NOVA1: variants seen among roughly 807,000 people sequenced by gnomAD.
NOVA1 encodes RNA-binding protein Nova-1.
Under a neutral mutation model 38.0 loss-of-function variants are expected in NOVA1, and 7 were observed. That is an observed-to-expected ratio of 0.18 (90% CI 0.10 to 0.35). The LOEUF is 0.35. Ranked by LOEUF, NOVA1 falls within the 10% of genes least tolerant of loss-of-function variation. The pLI is 1.00. For synonymous variants in NOVA1, 270 were observed against 232.5 expected, an observed-to-expected ratio of 1.16 and a Z score of -1.47; for missense variants, 460 against 616.0, an observed-to-expected ratio of 0.75 and a Z score of 2.68.
chr14:26,484,962 C>G (rs1248557083), intron 2 of NOVA1, among the ~76,000 whole-genome samples: 2 of 150,758 alleles, frequency 1.3e-5, no homozygotes, highest in African/African-American at 4.9e-5. Flanking sequence ...AAAAAACGAA[C>G]AAACCCTGCC....
At chr14:26,531,322 G>A (rs1015014659) in intron 2 of NOVA1, among the ~76,000 whole-genome samples, 5 of 151,872 alleles carry the variant, frequency 3.3e-5, no homozygotes, top group Non-Finnish European at 7.4e-5. Flanking sequence ...AAACCTCTAG[G>A]AGAGGCTGGG....
At chr14:26,518,445 TA>T (rs1288684644) in intron 2 of NOVA1, among the ~76,000 whole-genome samples, 2 of 152,048 alleles carry the variant, frequency 1.3e-5, no homozygotes, top group Non-Finnish European at 2.9e-5. Flanking sequence ...CTTATCACTT[TA>T]ATGCTACGAC....
chr14:26,474,562 T>C (rs895184597), intron 3 of NOVA1, among the ~76,000 whole-genome samples: 4 of 152,070 alleles, frequency 2.6e-5, no homozygotes, highest in Non-Finnish European at 2.9e-5. Context: ...AGAACTTACA[T>C]TCATCAAAAT....
At chr14:26,526,938 T>C (rs1486322748) in intron 2 of NOVA1, among the ~76,000 whole-genome samples, 1 of 152,104 alleles carries the variant, frequency 6.6e-6, no homozygotes, top group Non-Finnish European at 1.5e-5. Flanking sequence ...CCATCCCAAA[T>C]GCAAGAGTCT....
chr14:26,468,573 C>A (rs963117856), intron 4 of NOVA1, among the ~76,000 whole-genome samples: 1 of 152,092 alleles, frequency 6.6e-6, no homozygotes, highest in Non-Finnish European at 1.5e-5. Flanking sequence ...AAAACTAATA[C>A]AGGATTGAAA....
Position 26,448,840 on chromosome 14 carries a change from T to C in NOVA1, c.643A>G (p.Asn215Asp). 6.2e-7 allele frequency: 1 copy of C among 1,614,130 alleles called. No individual in the cohort carries two copies. Among genetic ancestry groups the C allele is most frequent in the South Asian group, 1.1e-5 (1 of 91,080 alleles). Residue 215 changes from asparagine (N) to aspartate (D), a missense_variant, in exon 5 of 5, where the codon AAC (asparagine) becomes GAC (aspartate). By Grantham distance (23) the Asn-to-Asp change is conservative. Transcript: ENST00000539517. The surrounding 1 kb of genome is among the most constrained non-coding windows in gnomAD (Gnocchi z 5.3). Reference protein sequence around the residue: ...VQLSQKPDGINLQERVVTVSG... With the variant: ...VQLSQKPDGIDLQERVVTVSG... ...ACAGTGACAACCCTCTCTTGCAAGT[T>C]GATCCCATCAGGTTTCTGGGAAAGC...
rs544206431 is a variant in NOVA1 at position 26,561,434 on chromosome 14, T to A, written c.280+33976A>T. On this transcript the variant is annotated intron_variant, in intron 2 of 4. Coordinates refer to ENST00000539517, the MANE Select transcript of NOVA1 (RefSeq NM_002515.3). ...TGTGAGTAGAGGTAACAGAAATGCATCCTATCACAAAACTTCTTTATTCTT... is the reference window on the plus strand; with the variant it reads ...TGTGAGTAGAGGTAACAGAAATGCAACCTATCACAAAACTTCTTTATTCTT... Among the ~76,000 whole-genome samples, 24 of 152,326 alleles carry A rather than the reference T, an allele frequency of 1.6e-4. No individual in the cohort carries two copies. The Middle Eastern group carries it at 0.01, about 65-fold the overall frequency.
chr14:26,593,548 A>G (rs1893993327), intron 2 of NOVA1: 2 of 151,914 alleles, frequency 1.3e-5, no homozygotes, highest in South Asian at 2.1e-4. Context: ...CTTTTATCCA[A>G]CATTTCAACT....
At chr14:26,502,169 AT>A (rs1199004578) in intron 2 of NOVA1, among the ~76,000 whole-genome samples, 2 of 151,696 alleles carry the variant, frequency 1.3e-5, no homozygotes, top group African/African-American at 4.8e-5. Context: ...TCATCATTTT[AT>A]TTTCTTTACA....
At chr14:26,527,140 A>C (rs143173937) in intron 2 of NOVA1, among the ~76,000 whole-genome samples, 61 of 98,032 alleles carry the variant, frequency 6.2e-4, no homozygotes, top group African/African-American at 2.3e-3. Flanking sequence ...AGGTGAAGTC[A>C]TGAGCTATGG....
At chr14:26,550,648 C>G (rs1891103061) in intron 2 of NOVA1, among the ~76,000 whole-genome samples, 1 of 152,110 alleles carries the variant, frequency 6.6e-6, no homozygotes, top group Non-Finnish European at 1.5e-5. Context: ...AAGGTACTAT[C>G]TCATCTCCTA....
Position 26,566,404 on chromosome 14 carries a change from T to G in NOVA1, c.280+29006A>C, listed in dbSNP as rs535816777. The stretch of plus-strand genomic sequence containing the variant: ...CTCCAATGATTGTAAGTGAGTACCT[T>G]GGAAAGTGATTTAATTTTTTGTGCT... On this transcript the variant is annotated intron_variant, in intron 2 of 4. Transcript: ENST00000539517. Among the ~76,000 whole-genome samples the G allele has an allele frequency of 1.8e-4, 28 of 152,246 alleles. No homozygotes were observed. In the South Asian group the frequency reaches 5.4e-3, roughly 29 times the overall value.
At chr14:26,586,033 A>T (rs1893493237) in intron 2 of NOVA1, among the ~76,000 whole-genome samples, 1 of 151,364 alleles carries the variant, frequency 6.6e-6, no homozygotes, top group Non-Finnish European at 1.5e-5. Flanking sequence ...TTAAATTTCC[A>T]GTGCCACCTA....
chr14:26,521,855 A>G (rs959782463), intron 2 of NOVA1, among the ~76,000 whole-genome samples: 4 of 152,078 alleles, frequency 2.6e-5, no homozygotes, highest in African/African-American at 9.7e-5. Flanking sequence ...CAATTTTTAT[A>G]TTGACAAAAT....
intron 2 of NOVA1, among the ~76,000 whole-genome samples, chr14:26,552,737 T>C (rs1594521387): frequency 6.6e-6 from 1 of 152,226 alleles, no homozygotes; most frequent in East Asian, 1.9e-4. Context: ...GGTATGAAAA[T>C]TAGTGTATAA....
At chr14:26,485,229 C>T (rs1256720694) in intron 2 of NOVA1, among the ~76,000 whole-genome samples, 1 of 147,718 alleles carries the variant, frequency 6.8e-6, no homozygotes, top group Non-Finnish European at 1.5e-5. Flanking sequence ...CTTCCTGAGT[C>T]TAAAATTTCT....
chr14:26,533,887 CA>C (rs1394873975), intron 2 of NOVA1, among the ~76,000 whole-genome samples: 1 of 151,926 alleles, frequency 6.6e-6, no homozygotes, highest in African/African-American at 2.4e-5. Flanking sequence ...AAAATTCACT[CA>C]AAAATAGCCA....
chr14:26,476,190 G>A (rs1371075565), intron 3 of NOVA1, among the ~76,000 whole-genome samples: 1 of 152,032 alleles, frequency 6.6e-6, no homozygotes, highest in Non-Finnish European at 1.5e-5. Flanking sequence ...TCCAACATGT[G>A]AACTGTCTTC....
At chr14:26,467,925 C>A (rs1417408675) in intron 4 of NOVA1, among the ~76,000 whole-genome samples, 2 of 152,104 alleles carry the variant, frequency 1.3e-5, no homozygotes, top group Non-Finnish European at 2.9e-5. Flanking sequence ...AGGGACAATT[C>A]TTTGAAAACT....
Sources: allele counts gnomAD v4.1 joint callset (sites outside exome capture counted in the v4.1 genomes callset), GRCh38; gene constraint gnomAD v4.1.1; non-coding constraint Gnocchi (gnomAD v3.1); transcripts MANE v1.5; gene names NCBI Gene and HGNC (gene_info 2026-07-23, HGNC 2026-07-21).